Variants in SUGCT observed in about 807,000 individuals in gnomAD.
The protein encoded by SUGCT is succinyl-CoA:glutarate CoA-transferase.
SUGCT carries 41 observed loss-of-function variants against 55.0 expected under a neutral mutation model. That is an observed-to-expected ratio of 0.74 (90% CI 0.58 to 0.97). SUGCT has a LOEUF of 0.97. Ranked by LOEUF, SUGCT falls within the 50% of genes least tolerant of loss-of-function variation. SUGCT has a pLI of 0.00. For synonymous variants in SUGCT, 187 were observed against 200.4 expected (o/e 0.93, Z 0.56); for missense variants, 568 against 547.8 (o/e 1.04, Z -0.37).
At chr7:40,473,858 T>C (rs924979730) in intron 11 of SUGCT, among the ~76,000 whole-genome samples, 1 of 152,208 alleles carries the variant, frequency 6.6e-6, no homozygotes, top group African/African-American at 2.4e-5. Flanking sequence ...GTAAGAGTCC[T>C]TGGGTGGCTG....
At chr7:40,439,074 A>ATGTGTGTGTGTG (rs746023700) in intron 9 of SUGCT, among the ~76,000 whole-genome samples, 2 of 82,516 alleles carry the variant, frequency 2.4e-5, no homozygotes, top group Non-Finnish European at 2.2e-5. Flanking sequence ...GTATATATAT[A>ATGTGTGTGTGTG]TATATATATA....
the SUGCT span, among the ~76,000 whole-genome samples, chr7:40,878,646 A>G: frequency 1.3e-5 from 2 of 152,148 alleles, no homozygotes; most frequent in Admixed American, 6.5e-5. Flanking sequence ...ACCAGATATC[A>G]TTCTGTGTGC....
the SUGCT span, among the ~76,000 whole-genome samples, chr7:41,021,908 G>A: frequency 6.6e-6 from 1 of 151,988 alleles, no homozygotes; most frequent in Non-Finnish European, 1.5e-5. Context: ...AATGCAGCAT[G>A]GAGTGATACA....
chr7:40,516,611 A>G (rs1049029365), intron 12 of SUGCT, among the ~76,000 whole-genome samples: 2 of 152,104 alleles, frequency 1.3e-5, no homozygotes, highest in African/African-American at 4.8e-5. Context: ...CTCTTTCCCC[A>G]TTAAATTGTT....
intron 12 of SUGCT, among the ~76,000 whole-genome samples, chr7:40,588,838 T>A (rs1797552091): frequency 6.6e-6 from 1 of 152,220 alleles, no homozygotes; most frequent in Non-Finnish European, 1.5e-5. Context: ...ATAAAGCACT[T>A]AACAAATGTT....
intron 13 of SUGCT, among the ~76,000 whole-genome samples, chr7:40,756,459 A>G (rs1019231709): frequency 6.6e-6 from 1 of 152,162 alleles, no homozygotes; most frequent in Non-Finnish European, 1.5e-5. Context: ...TGTATTTTCC[A>G]TGCATTACAA....
chr7:40,306,334 C>T (rs1380791136), intron 8 of SUGCT, among the ~76,000 whole-genome samples: 6 of 152,224 alleles, frequency 3.9e-5, no homozygotes, highest in Non-Finnish European at 7.4e-5. Flanking sequence ...AATGTTAGCT[C>T]GAATGCCACT....
chr7:40,406,706 A>G (rs1369260932), intron 9 of SUGCT, among the ~76,000 whole-genome samples: 1 of 152,210 alleles, frequency 6.6e-6, no homozygotes, highest in Non-Finnish European at 1.5e-5. Context: ...TCTTTATTCA[A>G]AAAGTTGTAA....
the SUGCT span, among the ~76,000 whole-genome samples, chr7:40,900,244 A>G: frequency 2.6e-5 from 4 of 152,226 alleles, no homozygotes; most frequent in East Asian, 1.9e-4. Context: ...TGCTGAAGCC[A>G]CATTTCTAAC....
intron 1 of SUGCT, chr7:40,153,518 G>T: frequency 2.6e-6 from 1 of 389,724 alleles, no homozygotes; most frequent in Non-Finnish European, 5.0e-6. Context: ...TTGGACCTAT[G>T]ACTCTTTTGT....
At chr7:40,649,874 T>G (rs755452390) in intron 12 of SUGCT, among the ~76,000 whole-genome samples, 39 of 152,230 alleles carry the variant, frequency 2.6e-4, no homozygotes, top group Non-Finnish European at 2.1e-4. Context: ...AATATATTGG[T>G]TATTTATTGC....
intron 12 of SUGCT, among the ~76,000 whole-genome samples, chr7:40,549,315 T>G (rs549208808): frequency 6.6e-6 from 1 of 152,192 alleles, no homozygotes; most frequent in East Asian, 1.9e-4. Flanking sequence ...TAATGAATTA[T>G]GAATAGAAAA....
intron 12 of SUGCT, among the ~76,000 whole-genome samples, chr7:40,661,409 C>G (rs1222510577): frequency 6.6e-6 from 1 of 152,162 alleles, no homozygotes; most frequent in Non-Finnish European, 1.5e-5. Context: ...TCTGCCAGAT[C>G]ATCCCCACTG....
At chr7:41,012,338 A>C in the SUGCT span, among the ~76,000 whole-genome samples, 3 of 152,106 alleles carry the variant, frequency 2.0e-5, no homozygotes, top group East Asian at 5.8e-4. Flanking sequence ...GCCGTGAACT[A>C]TAATGGCTAA....
At chr7:40,608,862 C>T (rs1798638770) in intron 12 of SUGCT, among the ~76,000 whole-genome samples, 1 of 152,198 alleles carries the variant, frequency 6.6e-6, no homozygotes, top group South Asian at 2.1e-4. Flanking sequence ...GTCACGGACA[C>T]TCTGTCAGTG....
At chr7:40,475,391 G>A (rs1046913015) in intron 11 of SUGCT, among the ~76,000 whole-genome samples, 6 of 152,224 alleles carry the variant, frequency 3.9e-5, no homozygotes, top group South Asian at 2.1e-4. Context: ...GCATTTCTCC[G>A]TCTTGTTCAC....
intron 9 of SUGCT, among the ~76,000 whole-genome samples, chr7:40,400,679 A>C (rs1786016296): frequency 6.6e-6 from 1 of 152,194 alleles, no homozygotes; most frequent in African/African-American, 2.4e-5. Context: ...TTTGGTGAGA[A>C]TCTAACCACC....
chr7:40,431,117 CAAA>C (rs869159761), intron 9 of SUGCT, among the ~76,000 whole-genome samples: 41 of 86,950 alleles, frequency 4.7e-4, no homozygotes, highest in South Asian at 1.1e-3. Context: ...GACTTCGTCT[CAAA>C]AAAAAAAAAA....
chr7:40,153,210 CA>C (rs1332992796), intron 1 of SUGCT: 4 of 369,026 alleles, frequency 1.1e-5, no homozygotes, highest in African/African-American at 2.2e-5. Flanking sequence ...AAGGAGATAG[CA>C]ACATTAGTAG....
Sources: gnomAD v4.1 joint callset for allele counts (sites outside exome capture counted in the v4.1 genomes callset) on GRCh38, gnomAD v4.1.1 for gene constraint, MANE v1.5 for transcripts, NCBI Gene and HGNC (gene_info 2026-07-23, HGNC 2026-07-21) for gene names.